The following RYR3 variants were observed in gnomAD, a reference collection of about 807,000 sequenced individuals.
RYR3 encodes ryanodine receptor 3, also known as brain ryanodine receptor-calcium release channel.
A neutral mutation model predicts 584.3 loss-of-function variants in RYR3; 207 were observed. The ratio of observed to expected loss-of-function variants is 0.35; its 90% CI spans 0.32 to 0.40. RYR3 has a LOEUF of 0.40. RYR3 is among the 10% of genes least tolerant of loss of function. RYR3 has a pLI of 1.00. For synonymous variants in RYR3, 2,416 were observed against 2,248.5 expected (o/e 1.07, Z -2.11); for missense variants, 5,616 against 6,089.2 (o/e 0.92, Z 2.59).
chr15:33,710,343 T>G (rs1175612584), intron 43 of RYR3, among the ~76,000 whole-genome samples: 2 of 17,262 alleles, frequency 1.2e-4, no homozygotes, highest in Non-Finnish European at 4.3e-4. Flanking sequence ...CATACACTTT[T>G]TTTTTTTTTT....
chr15:33,561,973 C>T (rs542511017), intron 10 of RYR3, among the ~76,000 whole-genome samples: 1 of 151,046 alleles, frequency 6.6e-6, no homozygotes, highest in South Asian at 2.2e-4. Flanking sequence ...TGTGAAAGTT[C>T]AAATTGCTGC....
Position 33,821,260 on chromosome 15 carries a change from T to A in RYR3, c.10816-10T>A, listed in dbSNP as rs745996065. The stretch of plus-strand genomic sequence containing the variant: ...AACCAATCTTTCCCTGTGATTTTTT[T>A]TCCCCCCAGGAGAAAGAGATGGAGA... On this transcript the variant is annotated splice_polypyrimidine_tract_variant and intron_variant, in intron 78 of 103. Transcript: ENST00000634891. 5 of 1,580,676 alleles carry A rather than the reference T, an allele frequency of 3.2e-6. No individual in the cohort carries two copies. The Admixed American group carries it at 7.3e-5, about 23-fold the overall frequency.
chr15:33,397,786 T>G (rs28599839), intron 1 of RYR3, among the ~76,000 whole-genome samples: 1 of 152,224 alleles, frequency 6.6e-6, no homozygotes, highest in East Asian at 1.9e-4. Flanking sequence ...GGTATCTTAT[T>G]GCCACTGAGA....
intron 19 of RYR3, 141 bp from the exon 20 acceptor site, chr15:33,623,666 G>A: frequency 1.6e-6 from 1 of 631,974 alleles, no homozygotes; most frequent in Non-Finnish European, 2.8e-6. Context: ...GATGATGTTT[G>A]CTGTGGTTAA....
chr15:33,350,492 T>C (rs1973098267), intron 1 of RYR3, among the ~76,000 whole-genome samples: 1 of 151,316 alleles, frequency 6.6e-6, no homozygotes, highest in African/African-American at 2.4e-5. Flanking sequence ...TATTCCAAAA[T>C]TGACCACATA....
intron 32 of RYR3, among the ~76,000 whole-genome samples, chr15:33,657,252 C>T (rs778522808): frequency 6.6e-6 from 1 of 152,200 alleles, no homozygotes; most frequent in Non-Finnish European, 1.5e-5. Context: ...TTGAGGAGAG[C>T]CCTGGAGTTT....
chr15:33,847,235 A>G (rs2078783683), intron 93 of RYR3: 1 of 152,214 alleles, frequency 6.6e-6, no homozygotes, highest in South Asian at 2.1e-4. Flanking sequence ...TCCTATCGTG[A>G]GTTTTTCATT....
At chr15:33,401,079 G>A (rs909496284) in intron 1 of RYR3, among the ~76,000 whole-genome samples, 10 of 152,186 alleles carry the variant, frequency 6.6e-5, no homozygotes, top group Admixed American at 5.2e-4. Context: ...CCAAATATGA[G>A]CGAATGCCCT....
intron 86 of RYR3, among the ~76,000 whole-genome samples, chr15:33,833,346 A>T (rs1300011692): frequency 6.6e-6 from 1 of 152,168 alleles, no homozygotes; most frequent in Non-Finnish European, 1.5e-5. Flanking sequence ...TCTATGAAAA[A>T]TATTAAATTC....
intron 89 of RYR3, 59 bp downstream of exon 89, chr15:33,839,017 A>G (rs768223591): frequency 3.2e-6 from 5 of 1,550,596 alleles, no homozygotes; most frequent in Non-Finnish European, 4.3e-6. Flanking sequence ...TTGCCACCAT[A>G]TCTTGTAATC....
At chr15:33,860,560 C>A in intron 100 of RYR3, 35 bp from the exon 101 acceptor site, 2 of 1,391,800 alleles carry the variant, frequency 1.4e-6, no homozygotes, top group Non-Finnish European at 2.0e-6. Flanking sequence ...TGAACCACTA[C>A]ACAGATTGCT....
chr15:33,335,992 A>G (rs1970919069), intron 1 of RYR3, among the ~76,000 whole-genome samples: 2 of 152,314 alleles, frequency 1.3e-5, no homozygotes, highest in African/African-American at 4.8e-5. Context: ...AGCAATAAAT[A>G]AAAGAAAAGA....
chr15:33,481,483 T>A (rs1469783914), intron 2 of RYR3, among the ~76,000 whole-genome samples: 1 of 152,128 alleles, frequency 6.6e-6, no homozygotes, highest in Admixed American at 6.6e-5. Flanking sequence ...GAATACTTTT[T>A]TTTTTGGGTT....
intron 10 of RYR3, among the ~76,000 whole-genome samples, chr15:33,553,441 A>G (rs940153980): frequency 8.5e-5 from 13 of 152,304 alleles, no homozygotes; most frequent in African/African-American, 3.1e-4. Flanking sequence ...CAGGTGCCCC[A>G]GTGCATCTTG....
Position 33,740,137 on chromosome 15 carries a change from C to T in RYR3, c.7820+142C>T. The T allele has an allele frequency of 4.3e-6, 3 of 695,322 alleles. No homozygotes were observed. In the South Asian group the frequency reaches 5.9e-5, roughly 14 times the overall value. 43.1% of individuals were successfully genotyped at this position (695,322 alleles called of 1,614,324 possible). On this transcript the variant is annotated intron_variant, in intron 51 of 103. Coordinates refer to ENST00000634891, the MANE Select transcript of RYR3 (RefSeq NM_001036.6). Reference sequence around the variant, plus strand: ...ATCATTTCTCTTGATGTGTCAAGTCCCATCAGGCACAAGGTTTAATCCATA... The same window carrying T: ...ATCATTTCTCTTGATGTGTCAAGTCTCATCAGGCACAAGGTTTAATCCATA...
intron 43 of RYR3, among the ~76,000 whole-genome samples, chr15:33,715,553 T>C (rs1023272288): frequency 8.5e-5 from 13 of 152,206 alleles, no homozygotes; most frequent in African/African-American, 3.1e-4. Context: ...GTACTAACTG[T>C]AAGGTATCTT....
intron 1 of RYR3, among the ~76,000 whole-genome samples, chr15:33,433,628 G>C (rs1030987409): frequency 1.9e-4 from 29 of 152,312 alleles, no homozygotes; most frequent in African/African-American, 6.0e-4. Context: ...AGCATCTTTT[G>C]AAGTAACAAG....
Position 33,473,350 on chromosome 15 carries a change from A to G in RYR3, c.52-69A>G, listed in dbSNP as rs772560363. On this transcript the variant is annotated intron_variant, in intron 1 of 103. Coordinates refer to ENST00000634891, the MANE Select transcript of RYR3 (RefSeq NM_001036.6). ...TTGGTGGCTTACCTGACTCAGGTAC[A>G]GGAAGGTGACTCGGGGCCTGGCTCA... 1.9e-5 allele frequency: 30 copies of G among 1,600,676 alleles called. No individual in the cohort carries two copies. In the African/African-American group the frequency reaches 3.9e-4, roughly 21 times the overall value.
intron 38 of RYR3, among the ~76,000 whole-genome samples, chr15:33,677,193 C>T (rs1373281737): frequency 6.6e-6 from 1 of 152,162 alleles, no homozygotes; most frequent in Non-Finnish European, 1.5e-5. Flanking sequence ...TTCCAGAGCA[C>T]CGGGCAGGGA....
Sources: allele counts gnomAD v4.1 joint callset (sites outside exome capture counted in the v4.1 genomes callset), GRCh38; gene constraint gnomAD v4.1.1; transcripts MANE v1.5; gene names NCBI Gene and HGNC (gene_info 2026-07-23, HGNC 2026-07-21).